Variants in CENPT observed in about 807,000 individuals in gnomAD.
CENPT encodes the protein interphase centromere complex protein 22.
In CENPT, 42 loss-of-function variants were observed where a neutral mutation model predicts 59.7. That is an observed-to-expected ratio of 0.70 (90% CI 0.55 to 0.91). CENPT has a LOEUF of 0.91. Among genes scored for constraint, CENPT ranks in the 40% least tolerant of loss-of-function variants. CENPT has a pLI of 0.00. For synonymous variants in CENPT, 295 were observed against 289.6 expected, an observed-to-expected ratio of 1.02 and a Z score of -0.19; for missense variants, 716 against 713.4, an observed-to-expected ratio of 1.00 and a Z score of -0.04.
In CENPT at chr16:67,828,372, G is replaced by T; in HGVS notation, c.1581C>A (p.Asp527Glu). The change falls in exon 16 of 16, where the codon GAC (aspartate) becomes GAA (glutamate). Residue 527 changes from aspartate to glutamate, a missense_variant. By Grantham distance (45) the Asp-to-Glu change is conservative. Transcript: ENST00000562787. ...LLMRRQGLVTDQVSLHVLVER... is the reference protein window; with the variant it reads ...LLMRRQGLVTEQVSLHVLVER... Reference sequence around the variant, plus strand: ...CCACTAGCACGTGCAGTGAGACTTGGTCAGTGACCAGGCCCTGCCTGCAGT... The same window carrying T: ...CCACTAGCACGTGCAGTGAGACTTGTTCAGTGACCAGGCCCTGCCTGCAGT... 6.2e-7 allele frequency: 1 copy of T among 1,610,526 alleles called. No individual in the cohort carries two copies. The highest frequency in any genetic ancestry group is 2.2e-5 in the East Asian group (1 of 44,750).
At chr16:67,841,374 C>G (rs2057760174) in intron 1 of CENPT, among the ~76,000 whole-genome samples, 2 of 152,202 alleles carry the variant, frequency 1.3e-5, no homozygotes, top group Non-Finnish European at 2.9e-5. Flanking sequence ...CTTGGCCCTA[C>G]CCGGGCCACC....
In CENPT at chr16:67,833,922, C is replaced by G; in HGVS notation, c.-63G>C. ...TGCAGGCTCCGCCTTCCCGCCGCCA[C>G]AGTTAATGTAACTCTCGCGATGCTC... On this transcript the variant is annotated 5_prime_UTR_variant, in exon 4 of 16. Transcript: ENST00000562787. 9.1e-7 allele frequency: 1 copy of G among 1,101,416 alleles called. No individual in the cohort carries two copies. Among genetic ancestry groups the G allele is most frequent in the South Asian group, 1.8e-5 (1 of 56,718 alleles). The allele number at this position is 1,101,416 out of a possible 1,614,324, so 68.2% of individuals were successfully genotyped here.
chr16:67,829,582 C>A, intron 12 of CENPT, 66 bp from the exon 13 acceptor site: 1 of 1,456,730 alleles, frequency 6.9e-7, no homozygotes, highest in Non-Finnish European at 9.4e-7. Flanking sequence ...GCCAGCACAG[C>A]CACAGTATTT....
At chr16:67,845,607 T>C (rs1371259830) in intron 1 of CENPT, among the ~76,000 whole-genome samples, 1 of 152,264 alleles carries the variant, frequency 6.6e-6, no homozygotes, top group Non-Finnish European at 1.5e-5. Context: ...CTCCTATTTA[T>C]TGAAGGGACT....
chr16:67,833,950 G>T lies in CENPT; in HGVS notation c.-91C>A. 2 of 794,252 alleles carry T rather than the reference G, an allele frequency of 2.5e-6. No individual in the cohort carries two copies. Among genetic ancestry groups the T allele is most frequent in the Non-Finnish European group, 1.8e-6 (1 of 541,018 alleles). The allele number at this position is 794,252 out of a possible 1,614,324, so 49.2% of individuals were successfully genotyped here. On this transcript the variant is annotated 5_prime_UTR_variant, in exon 4 of 16. Transcript: ENST00000562787. ...TTAATGTAACTCTCGCGATGCTCCC[G>T]CACAGCCCCACGGGAATTGTAGTTC... is the stretch of plus-strand genomic sequence containing the variant.
chr16:67,847,220 C>G (rs2057809995), intron 1 of CENPT, 181 bp downstream of exon 1: 1 of 152,216 alleles, frequency 6.6e-6, no homozygotes, highest in Non-Finnish European at 1.5e-5. Flanking sequence ...CTATCTGGGC[C>G]GTACCGTGCT....
rs775540258 is a variant in CENPT, at chr16:67,830,004, C to T, written c.947G>A (p.Gly316Asp). 21 of 1,614,144 alleles carry T rather than the reference C, an allele frequency of 1.3e-5. No individual in the cohort carries two copies. Among genetic ancestry groups the T allele is most frequent in the Non-Finnish European group, 1.8e-5 (21 of 1,180,054 alleles). The change falls in exon 12 of 16, where the codon GGT becomes GAT. Residue 316 changes from glycine (G) to aspartate (D), a missense_variant. Physicochemically the swap from Gly to Asp is moderately conservative, Grantham distance 94. Coordinates refer to ENST00000562787, the MANE Select transcript of CENPT (RefSeq NM_025082.4). ...CTCTACTTCATCTTCTCCAGAGACA[C>T]CACTGCTGGTGCTCAGGAAGCCCAG... ...FALGFLSTSS[G>D]VSGEDEVEPL...
intron 4 of CENPT, among the ~76,000 whole-genome samples, 181 bp from the exon 5 acceptor site, chr16:67,832,726 A>C (rs1003958331): frequency 2.6e-5 from 4 of 152,090 alleles, no homozygotes; most frequent in Non-Finnish European, 4.4e-5. Context: ...GTGTGGACCG[A>C]AGAAGACCCC....
chr16:67,833,913 C>T lies in CENPT; in HGVS notation c.-54G>A. ...CCAGCCAGCTGCAGGCTCCGCCTTC[C>T]CGCCGCCACAGTTAATGTAACTCTC... On this transcript the variant is annotated 5_prime_UTR_variant, in exon 4 of 16. Transcript: ENST00000562787. 8.5e-7 allele frequency: 1 copy of T among 1,181,692 alleles called. No individual in the cohort carries two copies. Among genetic ancestry groups the T allele is most frequent in the African/African-American group, 1.6e-5 (1 of 62,504 alleles). 73.2% of individuals were successfully genotyped at this position (1,181,692 alleles called of 1,614,324 possible).
At chr16:67,836,467 C>T (rs1156329336) in intron 1 of CENPT, among the ~76,000 whole-genome samples, 12 of 147,414 alleles carry the variant, frequency 8.1e-5, no homozygotes, top group African/African-American at 2.5e-4. Context: ...GATGGAGTCT[C>T]GCTTTGTTGC....
Position 67,829,105 on chromosome 16 carries a change from T to C in CENPT, c.1281-262A>G, listed in dbSNP as rs2057649359. 24 of 524,536 alleles carry C rather than the reference T, an allele frequency of 4.6e-5. No homozygotes were observed. In the South Asian group the frequency reaches 6.2e-4, roughly 14 times the overall value. The allele number at this position is 524,536 out of a possible 1,614,324, so 32.5% of individuals were successfully genotyped here. On this transcript the variant is annotated intron_variant, in intron 13 of 15. Transcript: ENST00000562787. ...CTATATTGGTACCTGCTTGGGTCCA[T>C]GACTCCAGGCCTTAGAATGGATAGT...
intron 1 of CENPT, chr16:67,846,727 C>T (rs1396122607): frequency 1.3e-5 from 2 of 152,464 alleles, no homozygotes; most frequent in African/African-American, 4.8e-5. Context: ...GACCACAATT[C>T]TCAGGGGCTT....
chr16:67,838,483 A>G (rs529885292), intron 1 of CENPT, among the ~76,000 whole-genome samples: 2 of 152,120 alleles, frequency 1.3e-5, no homozygotes, highest in East Asian at 3.9e-4. Flanking sequence ...TTAGCCAGGC[A>G]TGGTGGTTCA....
Position 67,842,455 on chromosome 16 carries a change from C to T in CENPT, c.-492+4946G>A. Reference sequence around the variant, plus strand: ...AGTGGTGGGATACCACCCAAGGCCTCGCGCGGCGCCGCCCGTCGAGGGGCG... The same window carrying T: ...AGTGGTGGGATACCACCCAAGGCCTTGCGCGGCGCCGCCCGTCGAGGGGCG... On this transcript the variant is annotated intron_variant, in intron 1 of 15. Coordinates refer to ENST00000562787, the MANE Select transcript of CENPT (RefSeq NM_025082.4). The surrounding 1 kb of genome is among the most constrained non-coding windows in gnomAD (Gnocchi z 4.9). 2.0e-6 allele frequency: 2 copies of T among 993,406 alleles called. No homozygotes were observed. The highest frequency in any genetic ancestry group is 2.6e-6 in the Non-Finnish European group (2 of 773,086). 61.5% of individuals were successfully genotyped at this position (993,406 alleles called of 1,614,324 possible).
intron 6 of CENPT, 22 bp from the exon 7 acceptor site, chr16:67,832,130 G>A (rs769331079): frequency 3.9e-5 from 63 of 1,609,774 alleles, no homozygotes; most frequent in Non-Finnish European, 5.1e-5. Context: ...CCAAGGAGAG[G>A]GTGGGGCTGA....
Position 67,832,033 on chromosome 16 carries a change from C to T in CENPT, c.365G>A (p.Arg122Lys), listed in dbSNP as rs769630043. 1.3e-5 allele frequency: 21 copies of T among 1,608,042 alleles called. No homozygotes were observed. The highest frequency in any genetic ancestry group is 3.3e-4 in the Middle Eastern group (2 of 6,060). ...VPAPQAVQPS[R>K]QESSCGSLEL... Reference sequence around the variant, plus strand: ...GTACCTGCCGCAACTGCTCTCTTGTCTGGAGGGTTGGACCGCCTGCGGTGC... The same window carrying T: ...GTACCTGCCGCAACTGCTCTCTTGTTTGGAGGGTTGGACCGCCTGCGGTGC... Residue 122 changes from arginine (R) to lysine (K), a missense_variant, in exon 7 of 16, where the codon AGA (arginine) becomes AAA (lysine). Physicochemically the swap from Arg to Lys is conservative, Grantham distance 26. Transcript: ENST00000562787.
At chr16:67,840,425 C>T (rs377687821) in intron 1 of CENPT, among the ~76,000 whole-genome samples, 1 of 152,134 alleles carries the variant, frequency 6.6e-6, no homozygotes, top group Admixed American at 6.5e-5. Context: ...GAGGTGACCA[C>T]GATCATGTCT....
intron 1 of CENPT, among the ~76,000 whole-genome samples, chr16:67,838,939 A>G (rs1346547923): frequency 3.3e-5 from 5 of 151,828 alleles, no homozygotes; most frequent in Non-Finnish European, 5.9e-5. Context: ...TCTCAAAAAA[A>G]AAAAAAAAAA....
intron 11 of CENPT, 145 bp downstream of exon 11, chr16:67,830,245 C>T (rs1236870616): frequency 8.0e-7 from 1 of 1,247,790 alleles, no homozygotes. Flanking sequence ...TCTCCTGGCC[C>T]AACATGGACT....
Sources: gnomAD v4.1 joint callset for allele counts (sites outside exome capture counted in the v4.1 genomes callset) on GRCh38, gnomAD v4.1.1 for gene constraint, Gnocchi (gnomAD v3.1) non-coding constraint, MANE v1.5 for transcripts, NCBI Gene and HGNC (gene_info 2026-07-23, HGNC 2026-07-21) for gene names.